The following PTTG1IP variants were observed in gnomAD, a reference collection of about 807,000 sequenced individuals.
PTTG1IP encodes the protein pituitary tumor-transforming gene 1 protein-interacting protein.
A neutral mutation model predicts 24.4 loss-of-function variants in PTTG1IP; 16 were observed. The observed-to-expected ratio is 0.66, with a 90% CI of 0.44 to 1.00. PTTG1IP has a LOEUF of 1.00. Ranked by LOEUF, PTTG1IP falls within the 50% of genes least tolerant of loss-of-function variation. PTTG1IP has a pLI of 0.00. For synonymous variants in PTTG1IP, 89 were observed against 96.8 expected, an observed-to-expected ratio of 0.92 and a Z score of 0.47; for missense variants, 241 against 245.8, an observed-to-expected ratio of 0.98 and a Z score of 0.13.
At chr21:44,868,391 G>A (rs1356530750) in intron 1 of PTTG1IP, among the ~76,000 whole-genome samples, 1 of 152,204 alleles carries the variant, frequency 6.6e-6, no homozygotes, top group Non-Finnish European at 1.5e-5. Context: ...CAGCAGCAGA[G>A]GTGTATTCTT....
intron 2 of PTTG1IP, among the ~76,000 whole-genome samples, chr21:44,864,841 T>A (rs1223283761): frequency 6.6e-6 from 1 of 152,162 alleles, no homozygotes; most frequent in African/African-American, 2.4e-5. Flanking sequence ...CGTGGAGGCT[T>A]AGGGAACTTT....
Position 44,865,500 on chromosome 21 carries a change from A to G in PTTG1IP, c.116-53T>C, listed in dbSNP as rs561949497. On this transcript the variant is annotated intron_variant, in intron 1 of 5. Transcript: ENST00000330938. ...AGTCACTGAGAATCAGGCAGTGTAA[A>G]TATTAGTCCAGCAGGGCAGGGTGGG... 6.9e-5 allele frequency: 110 copies of G among 1,589,396 alleles called. 1 individual carries two copies. In the East Asian group the frequency reaches 2.2e-3, roughly 31 times the overall value.
intron 3 of PTTG1IP, 46 bp downstream of exon 3, chr21:44,861,116 CA>C: frequency 6.5e-7 from 1 of 1,548,800 alleles, no homozygotes; most frequent in Non-Finnish European, 8.9e-7. Flanking sequence ...CTACTATTTT[CA>C]AAGAAGCATC....
intron 2 of PTTG1IP, among the ~76,000 whole-genome samples, chr21:44,863,865 C>T (rs1031939998): frequency 6.6e-6 from 1 of 152,246 alleles, no homozygotes; most frequent in Non-Finnish European, 1.5e-5. Context: ...GGGTGTGTCT[C>T]GAACCTACGC....
chr21:44,861,263 C>A lies in PTTG1IP; in HGVS notation c.177G>T (p.Trp59Cys). 6.2e-7 allele frequency: 1 copy of A among 1,612,592 alleles called. No individual in the cohort carries two copies. Among genetic ancestry groups the A allele is most frequent in the Non-Finnish European group, 8.5e-7 (1 of 1,178,872 alleles). ...CCAGACAAGCCTTGTTAGTGTTGCACCAAAGACACTGAAAGAGACCAACAT... is the reference window on the plus strand; with the variant it reads ...CCAGACAAGCCTTGTTAGTGTTGCAACAAAGACACTGAAAGAGACCAACAT... Reference protein sequence around the residue: ...EECLKNVSCLWCNTNKACLDY... With the variant: ...EECLKNVSCLCCNTNKACLDY... Residue 59 changes from tryptophan to cysteine, a missense_variant, in exon 3 of 6, where the codon TGG (tryptophan) becomes TGT (cysteine). By Grantham distance (215) the Trp-to-Cys change is radical (BLOSUM62 -2). Coordinates refer to ENST00000330938, the MANE Select transcript of PTTG1IP (RefSeq NM_004339.4).
At chr21:44,866,209 AAC>A (rs35473745) in intron 1 of PTTG1IP, among the ~76,000 whole-genome samples, 84,991 of 123,858 alleles carry the variant, frequency 0.69, 30,233 homozygotes, top group East Asian at 0.87. Flanking sequence ...CCAATCCTGT[AAC>A]ACACACACAC....
intron 4 of PTTG1IP, among the ~76,000 whole-genome samples, chr21:44,855,531 ATTTTT>A (rs2083442818): frequency 1.3e-5 from 2 of 152,338 alleles, no homozygotes; most frequent in East Asian, 3.9e-4. Flanking sequence ...CAATACCGTG[ATTTTT>A]AAAAAGCTTT....
At position 44,851,337 on chromosome 21, in the gene PTTG1IP, C is replaced by T. The variant is rs769518141; in HGVS notation, c.*244G>A. The T allele has an allele frequency of 1.3e-6, 2 of 1,500,632 alleles. No homozygotes were observed. Among genetic ancestry groups the T allele is most frequent in the South Asian group, 2.4e-5 (2 of 82,386 alleles). 93.0% of individuals were successfully genotyped at this position (1,500,632 alleles called of 1,614,324 possible). A position where few individuals can be genotyped will look rare whatever the true frequency, so the allele number is the denominator to read the frequency against. Reference sequence around the variant, plus strand: ...AGAAGAGTATAAAAAAGCCCAAACCCCAAAGATTTCTTATTTCAAGTGACT... The same window carrying T: ...AGAAGAGTATAAAAAAGCCCAAACCTCAAAGATTTCTTATTTCAAGTGACT... On this transcript the variant is annotated 3_prime_UTR_variant, in exon 6 of 6. Transcript: ENST00000330938.
intron 3 of PTTG1IP, among the ~76,000 whole-genome samples, chr21:44,857,970 GC>G (rs1341488503): frequency 1.3e-5 from 2 of 152,178 alleles, no homozygotes; most frequent in Non-Finnish European, 2.9e-5. Context: ...AAGATGGCTG[GC>G]CTTAAAACAT....
intron 3 of PTTG1IP, among the ~76,000 whole-genome samples, chr21:44,859,388 C>T (rs191903766): frequency 4.0e-5 from 6 of 151,698 alleles, no homozygotes; most frequent in Non-Finnish European, 5.9e-5. Context: ...AATATATGTA[C>T]GCACACACGT....
intron 5 of PTTG1IP, among the ~76,000 whole-genome samples, chr21:44,852,814 T>C (rs901491136): frequency 1.3e-5 from 2 of 152,208 alleles, no homozygotes; most frequent in Non-Finnish European, 1.5e-5. Flanking sequence ...GCGTGCGTGC[T>C]GGTATTTTAT....
Position 44,873,498 on chromosome 21 carries a change from TCA to T in PTTG1IP, c.115+2_115+3del. The T allele has an allele frequency of 3.5e-6, 5 of 1,417,304 alleles. No homozygotes were observed. The highest frequency in any genetic ancestry group is 4.6e-6 in the Non-Finnish European group (5 of 1,090,680). 87.8% of individuals were successfully genotyped at this position (1,417,304 alleles called of 1,614,324 possible). A position where few individuals can be genotyped will look rare whatever the true frequency, so the allele number is the denominator to read the frequency against. On this transcript the variant is annotated splice_donor_variant and splice_donor_region_variant and intron_variant, in intron 1 of 5. Transcript: ENST00000330938. LOFTEE classifies it high-confidence loss of function. Reference sequence around the variant, plus strand: ...CGCGGCCCCGCCCGCCCCGGCGCCCTCACCAGCTCCGGGAGGCTCCTGCGCGG... The same window carrying T: ...CGCGGCCCCGCCCGCCCCGGCGCCCTCCAGCTCCGGGAGGCTCCTGCGCGG...
At chr21:44,865,858 C>T (rs959537158) in intron 1 of PTTG1IP, 5 of 257,868 alleles carry the variant, frequency 1.9e-5, no homozygotes, top group East Asian at 9.3e-5. Flanking sequence ...AGCCTCCATC[C>T]GAGGCCACAG....
chr21:44,852,089 C>A (rs1250091889), intron 5 of PTTG1IP, among the ~76,000 whole-genome samples: 1 of 152,184 alleles, frequency 6.6e-6, no homozygotes, highest in Non-Finnish European at 1.5e-5. Flanking sequence ...TGTATTTAAT[C>A]ATAAGAGTAA....
chr21:44,851,581 T>G lies in PTTG1IP; in HGVS notation c.543A>C (p.Ter181TyrextTer12). The change falls in exon 6 of 6, where the codon TAA becomes TAC. Residue 181 changes from the stop codon to tyrosine, a stop_lost. Transcript: ENST00000330938. Reference protein sequence around the residue: ...ENPYARFENN* With the variant: ...ENPYARFENNY ...GTCGGGACTGATGTGCTGGAGCGCT[T>G]TAGTTGTTTTCAAATCTAGCATACG... 1 of 1,598,334 alleles carries G rather than the reference T, an allele frequency of 6.3e-7. No individual in the cohort carries two copies. The highest frequency in any genetic ancestry group is 1.3e-5 in the African/African-American group (1 of 74,830).
At chr21:44,864,980 T>C (rs1454906052) in intron 2 of PTTG1IP, among the ~76,000 whole-genome samples, 1 of 152,174 alleles carries the variant, frequency 6.6e-6, no homozygotes, top group Non-Finnish European at 1.5e-5. Context: ...TGCCTCTCTC[T>C]CCTTGCTGTG....
At chr21:44,853,629 AG>A (rs946508656) in intron 5 of PTTG1IP, among the ~76,000 whole-genome samples, 2 of 152,174 alleles carry the variant, frequency 1.3e-5, no homozygotes, top group African/African-American at 4.8e-5. Flanking sequence ...CCACGTACAC[AG>A]GCATGCACTC....
chr21:44,865,747 T>A lies in PTTG1IP; in HGVS notation c.116-300A>T, dbSNP rs2083531464. The stretch of plus-strand genomic sequence containing the variant: ...CCAACACAGAAGGCTGTGTTTCAGA[T>A]CTCTCTGTGAGAGGAAGTGTGCCCT... On this transcript the variant is annotated intron_variant, in intron 1 of 5. Transcript: ENST00000330938. 2.1e-5 allele frequency: 11 copies of A among 521,972 alleles called. No homozygotes were observed. The South Asian group carries it at 2.3e-4, about 11-fold the overall frequency. The allele number at this position is 521,972 out of a possible 1,614,324, so 32.3% of individuals were successfully genotyped here. A position where few individuals can be genotyped will look rare whatever the true frequency, so the allele number is the denominator to read the frequency against.
chr21:44,854,560 C>T (rs74624690), intron 5 of PTTG1IP, among the ~76,000 whole-genome samples: 6,411 of 152,324 alleles, frequency 0.042, 228 homozygotes, highest in Non-Finnish European at 0.061. Context: ...CAACGAAGCA[C>T]GGCTGGGTGG....
Sources: gnomAD v4.1 joint callset for allele counts (sites outside exome capture counted in the v4.1 genomes callset) on GRCh38, gnomAD v4.1.1 for gene constraint, MANE v1.5 for transcripts, NCBI Gene and HGNC (gene_info 2026-07-23, HGNC 2026-07-21) for gene names.